Variants in GPR55 observed in about 807,000 individuals in gnomAD.
GPR55 encodes G protein-coupled receptor 55.
GPR55 carries 6 observed loss-of-function variants against 7.9 expected under a neutral mutation model. The observed-to-expected ratio is 0.76, with a 90% confidence interval of 0.41 to 1.49. The LOEUF (loss-of-function observed/expected upper bound fraction) is 1.49, where lower values mean the gene tolerates loss of function less well. Among genes scored for constraint, GPR55 ranks in the 40% most tolerant of loss-of-function variants. The pLI is 0.01. For missense variants in GPR55, 376 were observed against 406.0 expected (o/e 0.93, Z 0.63); for synonymous variants, 183 against 166.8 (o/e 1.10, Z -0.75).
intron 1 of GPR55, among the ~76,000 whole-genome samples, chr2:230,917,143 G>A (rs1019916830): frequency 6.6e-6 from 1 of 152,076 alleles, no homozygotes; most frequent in South Asian, 2.1e-4. Flanking sequence ...CAATTGCGAG[G>A]GCAAATGTAG....
chr2:230,916,649 G>A (rs1690724293), intron 1 of GPR55, among the ~76,000 whole-genome samples: 1 of 152,056 alleles, frequency 6.6e-6, no homozygotes, highest in South Asian at 2.1e-4. Context: ...GAGGGTAATA[G>A]TAAGTGCCTG....
intron 1 of GPR55, among the ~76,000 whole-genome samples, chr2:230,948,440 TAATA>T (rs760280103): frequency 1.3e-5 from 2 of 152,134 alleles, no homozygotes; most frequent in Non-Finnish European, 2.9e-5. Context: ...ATAATAATAG[TAATA>T]AATAAATCAA....
rs921855432 is a variant in GPR55 at position 230,923,417 on chromosome 2, C to T, written c.-135+1751G>A. On this transcript the variant is annotated intron_variant, in intron 1 of 1. Coordinates refer to ENST00000650999, the MANE Select transcript of GPR55 (RefSeq NM_005683.4). The surrounding 1 kb of genome is among the most constrained non-coding windows in gnomAD (Gnocchi z 4.1). ...ATTTGAGGAGCCCTGGAATACTCCCCCAAAAATGCCGCAGTTAGAATACAC... is the reference window on the plus strand; with the variant it reads ...ATTTGAGGAGCCCTGGAATACTCCCTCAAAAATGCCGCAGTTAGAATACAC... Among the ~76,000 whole-genome samples, 1 of 152,166 alleles carries T rather than the reference C, an allele frequency of 6.6e-6. No individual in the cohort carries two copies. The highest frequency in any genetic ancestry group is 1.5e-5 in the Non-Finnish European group (1 of 68,032).
At chr2:230,937,543 C>T (rs1445072202) in intron 1 of GPR55, among the ~76,000 whole-genome samples, 1 of 151,532 alleles carries the variant, frequency 6.6e-6, no homozygotes, top group Non-Finnish European at 1.5e-5. Context: ...GTGCAAGTTG[C>T]ACCCTTCTGC....
At chr2:230,947,920 T>C (rs1020117707) in intron 1 of GPR55, among the ~76,000 whole-genome samples, 1 of 152,144 alleles carries the variant, frequency 6.6e-6, no homozygotes, top group African/African-American at 2.4e-5. Flanking sequence ...AATCTGGCCC[T>C]GTCCTACCTA....
At chr2:230,939,343 A>G (rs545750832) in intron 1 of GPR55, among the ~76,000 whole-genome samples, 1 of 152,310 alleles carries the variant, frequency 6.6e-6, no homozygotes, top group South Asian at 2.1e-4. Flanking sequence ...GTCACAGGCC[A>G]TAGAAAGAAG....
At chr2:230,914,831 A>G (rs1016337846) in intron 1 of GPR55, among the ~76,000 whole-genome samples, 1 of 152,256 alleles carries the variant, frequency 6.6e-6, no homozygotes, top group Non-Finnish European at 1.5e-5. Flanking sequence ...AGCAGATGCT[A>G]AGACAATGCT....
chr2:230,937,762 T>C (rs550595863), intron 1 of GPR55, among the ~76,000 whole-genome samples: 3 of 152,144 alleles, frequency 2.0e-5, no homozygotes, highest in South Asian at 4.1e-4. Flanking sequence ...AGACCTCATC[T>C]AGAAGAATGT....
chr2:230,958,252 T>A (rs184975257), intron 1 of GPR55, among the ~76,000 whole-genome samples: 7,960 of 152,210 alleles, frequency 0.052, 286 homozygotes, highest in Non-Finnish European at 0.074. Flanking sequence ...CTTTAAAAAA[T>A]TTTTTTAAAT....
chr2:230,911,207 C>T, intron 1 of GPR55, 111 bp from the exon 2 acceptor site: 1 of 502,926 alleles, frequency 2.0e-6, no homozygotes. Flanking sequence ...TTCTACCATA[C>T]ACACATTTTT....
At chr2:230,916,533 A>G (rs1690721406) in intron 1 of GPR55, among the ~76,000 whole-genome samples, 1 of 152,104 alleles carries the variant, frequency 6.6e-6, no homozygotes, top group South Asian at 2.1e-4. Flanking sequence ...CTAAGAAAAA[A>G]AAAAAAGAGA....
chr2:230,934,175 T>C (rs1574629703), intron 1 of GPR55, among the ~76,000 whole-genome samples: 1 of 152,264 alleles, frequency 6.6e-6, no homozygotes, highest in South Asian at 2.1e-4. Flanking sequence ...GCACTGGCTG[T>C]TTCTCCACCT....
At position 230,923,839 on chromosome 2, in the gene GPR55, AC is replaced by A. The variant is rs143402963; in HGVS notation, c.-135+1328del. ...TGTTCTGAGTCTCTCCTCCTCGCTC[AC>A]CCTGGCCCCCATCAGCATCACAAGC... On this transcript the variant is annotated intron_variant, in intron 1 of 1. Coordinates refer to ENST00000650999, the MANE Select transcript of GPR55 (RefSeq NM_005683.4). This position sits in a 1 kb window ranked among gnomAD's most constrained non-coding sequence, Gnocchi z 4.1. 0.013 allele frequency among the ~76,000 whole-genome samples: 1,935 copies of A among 152,114 alleles called. 42 individuals carry two copies. The highest frequency in any genetic ancestry group is 0.045 in the African/African-American group (1,846 of 41,442).
intron 1 of GPR55, among the ~76,000 whole-genome samples, chr2:230,932,719 C>T (rs74976635): frequency 6.6e-6 from 1 of 152,172 alleles, no homozygotes; most frequent in African/African-American, 2.4e-5. Flanking sequence ...GGCCGTCATC[C>T]TAAACCAGGC....
Position 230,910,840 on chromosome 2 carries a change from G to A in GPR55, c.123C>T (p.Ala41=), listed in dbSNP as rs767417295. Residue 41 remains alanine (A), a synonymous_variant, in exon 2 of 2, where the codon GCC becomes GCT. Transcript: ENST00000650999. This position sits in a 1 kb window ranked among gnomAD's most constrained non-coding sequence, Gnocchi z 5.4. ...FVLGLLLNLL[A]IHGFSTFLKN... ...TAAGGAAGGTGCTGAAGCCATGGAT[G>A]GCCAGCAGGTTGAGGAGCAGGCCCA... The A allele has an allele frequency of 7.4e-6, 12 of 1,614,024 alleles. No individual in the cohort carries two copies. The African/African-American group carries it at 1.3e-4, about 18-fold the overall frequency.
intron 1 of GPR55, chr2:230,957,802 AC>A (rs1346771493): frequency 1.8e-6 from 1 of 565,392 alleles, no homozygotes; most frequent in African/African-American, 1.9e-5. Flanking sequence ...TATCTTGGTG[AC>A]TTTGGGATGC....
chr2:230,933,732 CT>C (rs1331518600), intron 1 of GPR55, among the ~76,000 whole-genome samples: 2 of 152,238 alleles, frequency 1.3e-5, no homozygotes, highest in Non-Finnish European at 2.9e-5. Context: ...GCATTCCCCA[CT>C]CCTGGAAGTC....
At chr2:230,951,690 AG>A (rs1691405496) in intron 1 of GPR55, among the ~76,000 whole-genome samples, 1 of 151,858 alleles carries the variant, frequency 6.6e-6, no homozygotes. Flanking sequence ...GAGGGTAAGC[AG>A]GGATTTTTTT....
intron 1 of GPR55, among the ~76,000 whole-genome samples, chr2:230,918,090 T>C (rs1690756348): frequency 6.6e-6 from 1 of 152,066 alleles, no homozygotes; most frequent in African/African-American, 2.4e-5. Context: ...AGGAAAAAAG[T>C]ATAAAGATAA....
Sources: gnomAD v4.1 joint callset for allele counts (sites outside exome capture counted in the v4.1 genomes callset) on GRCh38, gnomAD v4.1.1 for gene constraint, Gnocchi (gnomAD v3.1) non-coding constraint, MANE v1.5 for transcripts, NCBI Gene and HGNC (gene_info 2026-07-23, HGNC 2026-07-21) for gene names.